Variants in STK4 observed in about 807,000 individuals in gnomAD.
STK4 encodes serine/threonine-protein kinase 4.
In STK4, 30 loss-of-function variants were observed where a neutral mutation model predicts 64.9. That is an observed-to-expected ratio of 0.46 (90% CI 0.35 to 0.63). The LOEUF is 0.63. STK4 is among the 20% of genes least tolerant of loss of function. The pLI is 0.01. For synonymous variants in STK4, 177 were observed against 199.0 expected (o/e 0.89, Z 0.93); for missense variants, 466 against 598.5 (o/e 0.78, Z 2.31).
intron 9 of STK4, among the ~76,000 whole-genome samples, chr20:45,006,216 CTTTT>C (rs1268961713): frequency 1.3e-5 from 2 of 150,178 alleles, no homozygotes; most frequent in Non-Finnish European, 1.5e-5. Context: ...TCTTTTTCTC[CTTTT>C]TTATTTTATT....
At chr20:44,988,091 A>G (rs929676966) in intron 5 of STK4, among the ~76,000 whole-genome samples, 1 of 152,140 alleles carries the variant, frequency 6.6e-6, no homozygotes, top group African/African-American at 2.4e-5. Flanking sequence ...ATTCAGTATC[A>G]TGATTTGTGG....
chr20:44,971,467 A>G (rs751073376), intron 1 of STK4, among the ~76,000 whole-genome samples: 6 of 152,170 alleles, frequency 3.9e-5, no homozygotes, highest in Non-Finnish European at 7.3e-5. Flanking sequence ...AAAACTTGCT[A>G]ATGGAAGAGC....
Position 45,011,731 on chromosome 20 carries a change from T to TATATATATATATATATA in STK4, c.1147+10378_1147+10379insATATATATATATATATA, listed in dbSNP as rs1428985946. Among the ~76,000 whole-genome samples, 157 of 81,036 alleles carry TATATATATATATATATA rather than the reference T, an allele frequency of 1.9e-3. 2 individuals are homozygous for TATATATATATATATATA. The highest frequency in any genetic ancestry group is 8.4e-3 in the South Asian group (21 of 2,500). The allele number at this position is 81,036 out of a possible 152,430, so 53.2% of individuals were successfully genotyped here. A position where few individuals can be genotyped will look rare whatever the true frequency, so the allele number is the denominator to read the frequency against. On this transcript the variant is annotated intron_variant, in intron 9 of 10. Transcript: ENST00000372806. ...TACATATATATATATATATATATAT[T>TATATATATATATATATA]TTTTTTTTTTTTTTTAAGTCAAGTT...
At chr20:45,030,887 C>T (rs1366240194) in intron 10 of STK4, among the ~76,000 whole-genome samples, 3 of 152,126 alleles carry the variant, frequency 2.0e-5, no homozygotes, top group East Asian at 3.9e-4. Context: ...CAAAAACACA[C>T]TGTAATATTT....
chr20:45,019,451 C>T (rs1433540167), intron 9 of STK4, among the ~76,000 whole-genome samples: 2 of 152,148 alleles, frequency 1.3e-5, no homozygotes, highest in African/African-American at 4.8e-5. Flanking sequence ...AGCTGATAGA[C>T]ATTTGGGTTG....
At chr20:45,017,423 T>C (rs1395748880) in intron 9 of STK4, among the ~76,000 whole-genome samples, 1 of 152,156 alleles carries the variant, frequency 6.6e-6, no homozygotes, top group Non-Finnish European at 1.5e-5. Context: ...AAAGGATTTG[T>C]GAAAAGGAAG....
chr20:45,028,787 G>A (rs1257626680), intron 10 of STK4, among the ~76,000 whole-genome samples: 1 of 152,144 alleles, frequency 6.6e-6, no homozygotes, highest in Non-Finnish European at 1.5e-5. Flanking sequence ...AACGTGTAAA[G>A]AATTTATTTC....
chr20:44,970,818 C>G (rs1256924767), intron 1 of STK4, among the ~76,000 whole-genome samples: 1 of 151,686 alleles, frequency 6.6e-6, no homozygotes, highest in Admixed American at 6.6e-5. Flanking sequence ...TTGATGTGGT[C>G]AGGGTTTTTG....
At position 45,000,377 on chromosome 20, in the gene STK4, A is replaced by T; in HGVS notation, c.832-15A>T. 6.2e-7 allele frequency: 1 copy of T among 1,611,798 alleles called. No individual in the cohort carries two copies. The highest frequency in any genetic ancestry group is 8.5e-7 in the Non-Finnish European group (1 of 1,178,736). ...ATATAAACTGTCTCCAGTATTTTCT[A>T]CTTTGTTCTTTTAGCACCCATTTGT... On this transcript the variant is annotated splice_polypyrimidine_tract_variant and intron_variant, in intron 7 of 10. Transcript: ENST00000372806.
chr20:45,015,887 T>C (rs2145358190), intron 9 of STK4, among the ~76,000 whole-genome samples: 1 of 152,354 alleles, frequency 6.6e-6, no homozygotes, highest in East Asian at 1.9e-4. Context: ...AGTCTTTTAA[T>C]GTATGAGAGT....
chr20:45,000,646 T>A (rs2067821073), intron 8 of STK4, 126 bp downstream of exon 8: 23 of 1,369,440 alleles, frequency 1.7e-5, no homozygotes, highest in Non-Finnish European at 2.1e-5. Flanking sequence ...AGCATAACTA[T>A]GTCCTAACCT....
rs182706923 is a variant in STK4, at chr20:45,075,427, C to T, written c.*251C>T. On this transcript the variant is annotated 3_prime_UTR_variant, in exon 11 of 11. Coordinates refer to ENST00000372806, the MANE Select transcript of STK4 (RefSeq NM_006282.5). ...GCGCTTTTAACTCAGAGTTTTAAACCCCAGGAACAGAGACTCCTAGTTGAG... is the reference window on the plus strand; with the variant it reads ...GCGCTTTTAACTCAGAGTTTTAAACTCCAGGAACAGAGACTCCTAGTTGAG... The T allele has an allele frequency of 2.7e-6, 1 of 364,936 alleles. No homozygotes were observed. Among genetic ancestry groups the T allele is most frequent in the East Asian group, 4.5e-5 (1 of 22,014 alleles). 22.6% of individuals were successfully genotyped at this position (364,936 alleles called of 1,614,324 possible). A position where few individuals can be genotyped will look rare whatever the true frequency, so the allele number is the denominator to read the frequency against.
At chr20:45,012,352 G>A (rs2068066432) in intron 9 of STK4, among the ~76,000 whole-genome samples, 1 of 152,040 alleles carries the variant, frequency 6.6e-6, no homozygotes, top group Non-Finnish European at 1.5e-5. Context: ...ATAAATTTTA[G>A]GATCAGTATA....
chr20:45,031,067 A>G (rs1460935087), intron 10 of STK4, among the ~76,000 whole-genome samples: 1 of 152,180 alleles, frequency 6.6e-6, no homozygotes, highest in African/African-American at 2.4e-5. Flanking sequence ...AAGTGCCAAC[A>G]GTGGTGAACA....
At position 45,047,038 on chromosome 20, in the gene STK4, G is replaced by A. The variant is rs141758481; in HGVS notation, c.1305+21908G>A. 1.5e-4 allele frequency among the ~76,000 whole-genome samples: 23 copies of A among 152,172 alleles called. 3 individuals are homozygous for A. The East Asian group carries it at 4.4e-3, about 29-fold the overall frequency. The stretch of plus-strand genomic sequence containing the variant: ...GAATATTTTTAGTAATCTTCATATT[G>A]GTTGCTCATTATCTTGTCTAATTTT... On this transcript the variant is annotated intron_variant, in intron 10 of 10. Coordinates refer to ENST00000372806, the MANE Select transcript of STK4 (RefSeq NM_006282.5).
intron 10 of STK4, 147 bp from the exon 11 acceptor site, chr20:45,074,871 C>T (rs900352459): frequency 5.7e-6 from 5 of 872,556 alleles, no homozygotes; most frequent in African/African-American, 5.0e-5. Context: ...TTGTCACTTT[C>T]CAACCACCAC....
At chr20:45,040,539 A>T (rs891136799) in intron 10 of STK4, among the ~76,000 whole-genome samples, 5 of 151,900 alleles carry the variant, frequency 3.3e-5, no homozygotes, top group African/African-American at 9.7e-5. Context: ...ACTCCCTGGT[A>T]GTTTGTGAGA....
rs2067541913 is a variant in STK4, at chr20:44,987,080, C to T, written c.361-52C>T. On this transcript the variant is annotated intron_variant, in intron 4 of 10. Transcript: ENST00000372806. ...TTGGATCTGATTTTTTCTCCTTTTT[C>T]TAATGCGCTGATGTAAACTGATAGA... 9.7e-6 allele frequency: 14 copies of T among 1,439,180 alleles called. No individual in the cohort carries two copies. The South Asian group carries it at 1.6e-4, about 17-fold the overall frequency. 89.2% of individuals were successfully genotyped at this position (1,439,180 alleles called of 1,614,324 possible). A position where few individuals can be genotyped will look rare whatever the true frequency, so the allele number is the denominator to read the frequency against.
chr20:45,049,627 G>C (rs886773335), intron 10 of STK4, among the ~76,000 whole-genome samples: 16 of 152,190 alleles, frequency 1.1e-4, no homozygotes, highest in Non-Finnish European at 1.8e-4. Context: ...GAGGGTAACA[G>C]CTGCCCAGAG....
Sources: allele counts gnomAD v4.1 joint callset (sites outside exome capture counted in the v4.1 genomes callset), GRCh38; gene constraint gnomAD v4.1.1; transcripts MANE v1.5; gene names NCBI Gene and HGNC (gene_info 2026-07-23, HGNC 2026-07-21).